The following CLVS1 variants were observed in gnomAD, a reference collection of about 807,000 sequenced individuals.
CLVS1 encodes clavesin-1.
CLVS1 carries 10 observed loss-of-function variants against 33.1 expected under a neutral mutation model. That is an observed-to-expected ratio of 0.30 (90% CI 0.19 to 0.51). The LOEUF is 0.51. Ranked by LOEUF, CLVS1 falls within the 20% of genes least tolerant of loss-of-function variation. The pLI is 0.97. For missense variants in CLVS1, 343 were observed against 433.4 expected, an observed-to-expected ratio of 0.79 and a Z score of 1.85; for synonymous variants, 163 against 166.1, an observed-to-expected ratio of 0.98 and a Z score of 0.14.
the CLVS1 span, among the ~76,000 whole-genome samples, chr8:61,033,501 C>T: frequency 2.0e-4 from 31 of 152,308 alleles, no homozygotes; most frequent in Admixed American, 6.5e-4. Context: ...GAAACAGCCC[C>T]TCACACGGAA....
chr8:61,141,493 A>T (rs916592374), intron 2 of CLVS1, among the ~76,000 whole-genome samples: 6 of 151,736 alleles, frequency 4.0e-5, no homozygotes, highest in African/African-American at 1.2e-4. Flanking sequence ...ATATATATAT[A>T]TTTTACATAT....
At chr8:61,458,591 A>T (rs747098181) in intron 5 of CLVS1, 49 bp downstream of exon 5, 3 of 1,279,758 alleles carry the variant, frequency 2.3e-6, no homozygotes, top group Non-Finnish European at 2.1e-6. Flanking sequence ...GGTCAATGGA[A>T]TTTTTTATTT....
the CLVS1 span, among the ~76,000 whole-genome samples, chr8:61,051,247 A>T: frequency 6.6e-6 from 1 of 152,212 alleles, no homozygotes. Flanking sequence ...TCTACCCTGC[A>T]TGGCTGTTGC....
At chr8:61,361,237 G>A (rs531097495) in intron 2 of CLVS1, among the ~76,000 whole-genome samples, 3 of 152,260 alleles carry the variant, frequency 2.0e-5, no homozygotes, top group Admixed American at 6.5e-5. Flanking sequence ...AATTCAACAT[G>A]AGATTTGGTG....
chr8:61,417,307 C>T (rs1815475742), intron 3 of CLVS1, among the ~76,000 whole-genome samples: 1 of 152,200 alleles, frequency 6.6e-6, no homozygotes, highest in African/African-American at 2.4e-5. Context: ...AAATACAACA[C>T]TGTATTTAAG....
At chr8:61,174,464 CAAACA>C (rs1807073815) in intron 2 of CLVS1, among the ~76,000 whole-genome samples, 1 of 140,972 alleles carries the variant, frequency 7.1e-6, no homozygotes, top group Admixed American at 7.4e-5. Flanking sequence ...AACAAACAAA[CAAACA>C]AAAACCATAT....
At chr8:61,236,874 G>T (rs748029491) in intron 2 of CLVS1, among the ~76,000 whole-genome samples, 5 of 152,266 alleles carry the variant, frequency 3.3e-5, no homozygotes, top group Non-Finnish European at 7.3e-5. Context: ...CTGCACTTGG[G>T]ATGCGAGAGG....
the CLVS1 span, among the ~76,000 whole-genome samples, chr8:60,980,131 G>C: frequency 1.9e-4 from 29 of 152,180 alleles, no homozygotes; most frequent in Admixed American, 1.6e-3. Flanking sequence ...CAGGGCTCAA[G>C]AACTGCACAA....
intron 3 of CLVS1, among the ~76,000 whole-genome samples, chr8:61,427,864 C>A (rs978558034): frequency 1.3e-5 from 2 of 152,190 alleles, no homozygotes; most frequent in South Asian, 2.1e-4. Context: ...GCAGTTGGCA[C>A]CTTTGTGCCT....
chr8:61,180,279 G>T (rs977077679), intron 2 of CLVS1, among the ~76,000 whole-genome samples: 4 of 152,032 alleles, frequency 2.6e-5, no homozygotes, highest in African/African-American at 9.7e-5. Context: ...ACCCTCCCAA[G>T]ACTAAACTAG....
chr8:61,229,598 A>G (rs1808391425), intron 2 of CLVS1, among the ~76,000 whole-genome samples: 1 of 152,204 alleles, frequency 6.6e-6, no homozygotes, highest in African/African-American at 2.4e-5. Flanking sequence ...GGATTCAAGA[A>G]ACGCCTGAGT....
At chr8:61,062,037 G>A (rs1327090600) in intron 1 of CLVS1, among the ~76,000 whole-genome samples, 1 of 152,052 alleles carries the variant, frequency 6.6e-6, no homozygotes, top group Admixed American at 6.6e-5. Flanking sequence ...AAGATGCAGT[G>A]AAAAAATGTC....
intron 2 of CLVS1, among the ~76,000 whole-genome samples, chr8:61,323,226 G>C (rs1310057998): frequency 6.6e-6 from 1 of 152,108 alleles, no homozygotes; most frequent in Non-Finnish European, 1.5e-5. Context: ...TTCTCTTTCA[G>C]CCCAGGTTTC....
intron 2 of CLVS1, among the ~76,000 whole-genome samples, chr8:61,165,002 A>G (rs1379259315): frequency 6.6e-6 from 1 of 152,160 alleles, no homozygotes; most frequent in East Asian, 1.9e-4. Context: ...AAGGAATGGA[A>G]TCTTGGGCCA....
chr8:61,480,917 G>A (rs528641853), intron 5 of CLVS1, among the ~76,000 whole-genome samples: 18 of 152,214 alleles, frequency 1.2e-4, no homozygotes, highest in Admixed American at 5.9e-4. Flanking sequence ...AGTGTGATCC[G>A]CACTTCTCAG....
chr8:61,041,237 T>C, the CLVS1 span, among the ~76,000 whole-genome samples: 1 of 152,228 alleles, frequency 6.6e-6, no homozygotes, highest in Non-Finnish European at 1.5e-5. Flanking sequence ...TATTGTAGCC[T>C]TATAGTATAA....
At chr8:61,186,591 A>T (rs990944453) in intron 2 of CLVS1, among the ~76,000 whole-genome samples, 1 of 152,142 alleles carries the variant, frequency 6.6e-6, no homozygotes, top group African/African-American at 2.4e-5. Flanking sequence ...GCTAGGTGGA[A>T]AGTATATACG....
chr8:61,495,285 G>A (rs1804230904), intron 5 of CLVS1, among the ~76,000 whole-genome samples: 1 of 152,110 alleles, frequency 6.6e-6, no homozygotes, highest in Admixed American at 6.6e-5. Context: ...ATGATTTTAA[G>A]TCTGTTTGTG....
intron 5 of CLVS1, among the ~76,000 whole-genome samples, chr8:61,484,599 A>T (rs1803799579): frequency 6.6e-6 from 1 of 152,242 alleles, no homozygotes; most frequent in Non-Finnish European, 1.5e-5. Context: ...ACTACTTTAA[A>T]GTTCATATGG....
Sources: gnomAD v4.1 joint callset for allele counts (sites outside exome capture counted in the v4.1 genomes callset) on GRCh38, gnomAD v4.1.1 for gene constraint, MANE v1.5 for transcripts, NCBI Gene and HGNC (gene_info 2026-07-23, HGNC 2026-07-21) for gene names.